Variants in THSD7A observed in about 807,000 individuals in gnomAD.
THSD7A encodes thrombospondin type 1 domain containing 7A, also known as thrombospondin type-1 domain-containing protein 7A.
A neutral mutation model predicts 231.3 loss-of-function variants in THSD7A; 96 were observed. The ratio of observed to expected loss-of-function variants is 0.41; its 90% CI spans 0.35 to 0.49. The LOEUF is 0.49. THSD7A is among the 20% of genes least tolerant of loss of function. The pLI is 0.05. For missense variants in THSD7A, 2,290 were observed against 2,070.2 expected, an observed-to-expected ratio of 1.11 and a Z score of -2.06; for synonymous variants, 940 against 743.3, an observed-to-expected ratio of 1.26 and a Z score of -4.30.
chr7:11,429,229 G>T, intron 13 of THSD7A, 104 bp from the exon 14 acceptor site: 1 of 1,134,146 alleles, frequency 8.8e-7, no homozygotes, highest in African/African-American at 1.6e-5. Context: ...TGACTTGACA[G>T]CAGCATGCAA....
chr7:11,515,547 C>T (rs1401482257), intron 6 of THSD7A, among the ~76,000 whole-genome samples: 1 of 152,078 alleles, frequency 6.6e-6, no homozygotes, highest in Non-Finnish European at 1.5e-5. Context: ...TTTAACTCAT[C>T]ATCTACTGAT....
chr7:11,826,047 T>C (rs1055801280), intron 1 of THSD7A, among the ~76,000 whole-genome samples: 5 of 152,204 alleles, frequency 3.3e-5, no homozygotes, highest in African/African-American at 1.2e-4. Flanking sequence ...TGCAGAGTAA[T>C]AAGTACTATT....
rs369971219 is a variant in THSD7A, at chr7:11,636,165, C to T, written c.987G>A (p.Met329Ile). 1.2e-6 allele frequency: 2 copies of T among 1,613,594 alleles called. No homozygotes were observed. The highest frequency in any genetic ancestry group is 1.3e-5 in the African/African-American group (1 of 74,838). Residue 329 changes from methionine (M) to isoleucine (I), a missense_variant, in exon 2 of 28, where the codon ATG becomes ATA. Transcript: ENST00000423059. The surrounding 1 kb of genome is among the most constrained non-coding windows in gnomAD (Gnocchi z 10.0). ...CAGCTTTCCCCGTCTTGTTAATGCA[C>T]ATAACCTCTCTGGTCTGATATCCAA... The part of the protein sequence containing the change: ...IQIGYQTREV[M>I]CINKTGKAAD...
chr7:11,661,542 A>C (rs948763629), intron 1 of THSD7A, among the ~76,000 whole-genome samples: 2 of 151,300 alleles, frequency 1.3e-5, no homozygotes, highest in African/African-American at 2.4e-5. Flanking sequence ...AAAAAGTGTA[A>C]AACACTGTAA....
chr7:11,820,765 A>G, intron 1 of THSD7A: 1 of 1,206,566 alleles, frequency 8.3e-7, no homozygotes, highest in Non-Finnish European at 1.2e-6. Context: ...TGTAGGAGTG[A>G]GATGACCGGG....
At chr7:11,482,776 C>T (rs1164956371) in intron 6 of THSD7A, among the ~76,000 whole-genome samples, 1 of 152,122 alleles carries the variant, frequency 6.6e-6, no homozygotes, top group Non-Finnish European at 1.5e-5. Context: ...CCTCATTTTG[C>T]CCTTGACACT....
chr7:11,703,888 T>C (rs1780681630), intron 1 of THSD7A, among the ~76,000 whole-genome samples: 1 of 151,138 alleles, frequency 6.6e-6, no homozygotes, highest in African/African-American at 2.4e-5. Flanking sequence ...CCCCTCTATC[T>C]AGTACAGTGA....
intron 9 of THSD7A, among the ~76,000 whole-genome samples, chr7:11,464,914 G>A (rs1195097557): frequency 6.6e-6 from 1 of 152,108 alleles, no homozygotes; most frequent in Non-Finnish European, 1.5e-5. Context: ...AGCTTTGCCA[G>A]GTTATACAGT....
chr7:11,760,386 A>G (rs1041343813), intron 1 of THSD7A, among the ~76,000 whole-genome samples: 2 of 152,058 alleles, frequency 1.3e-5, no homozygotes, highest in African/African-American at 2.4e-5. Context: ...AAAAAGAAAT[A>G]GGATGTATTT....
intron 1 of THSD7A, among the ~76,000 whole-genome samples, chr7:11,672,136 T>G (rs1323569887): frequency 6.6e-6 from 1 of 152,176 alleles, no homozygotes; most frequent in Non-Finnish European, 1.5e-5. Flanking sequence ...ACTTTGAAGC[T>G]GTGCTCATTT....
intron 4 of THSD7A, among the ~76,000 whole-genome samples, chr7:11,571,719 AAC>A (rs1207328779): frequency 6.6e-6 from 1 of 152,154 alleles, no homozygotes; most frequent in African/African-American, 2.4e-5. Flanking sequence ...TTTCTCAGCA[AAC>A]ACTATTTCAT....
At chr7:11,424,579 A>T in intron 16 of THSD7A, 117 bp downstream of exon 16, 1 of 1,444,782 alleles carries the variant, frequency 6.9e-7, no homozygotes, top group Non-Finnish European at 9.4e-7. Flanking sequence ...CCTAAAAGCA[A>T]AACTGCAGAC....
chr7:11,450,720 G>C (rs139915151), intron 11 of THSD7A, among the ~76,000 whole-genome samples: 211 of 152,086 alleles, frequency 1.4e-3, no homozygotes, highest in African/African-American at 4.9e-3. Flanking sequence ...TAGCACACCA[G>C]AAAACTACAT....
intron 1 of THSD7A, among the ~76,000 whole-genome samples, chr7:11,650,757 C>T (rs60283493): frequency 8.5e-4 from 130 of 152,118 alleles, no homozygotes; most frequent in African/African-American, 2.9e-3. Context: ...CAAGAGGATG[C>T]AAAATAGCAC....
At chr7:11,376,251 T>C (rs1782267622) in intron 27 of THSD7A, among the ~76,000 whole-genome samples, 1 of 152,140 alleles carries the variant, frequency 6.6e-6, no homozygotes, top group African/African-American at 2.4e-5. Context: ...TATGATTAGG[T>C]ATTACTGTAA....
intron 6 of THSD7A, among the ~76,000 whole-genome samples, chr7:11,535,215 T>C (rs1788864464): frequency 6.6e-6 from 1 of 152,180 alleles, no homozygotes; most frequent in Admixed American, 6.5e-5. Context: ...TCCTACTCTT[T>C]GCTACAACAT....
chr7:11,820,784 G>C, intron 1 of THSD7A: 2 of 1,200,522 alleles, frequency 1.7e-6, no homozygotes, highest in Non-Finnish European at 2.5e-6. Context: ...GGAGGAAGAG[G>C]AGGAGGATCT....
intron 13 of THSD7A, among the ~76,000 whole-genome samples, chr7:11,445,785 C>G (rs1437506180): frequency 6.6e-6 from 1 of 152,034 alleles, no homozygotes; most frequent in African/African-American, 2.4e-5. Context: ...TCTGGGGGAC[C>G]GTTCTGGCAC....
chr7:11,646,986 A>T (rs1782307726), intron 1 of THSD7A, among the ~76,000 whole-genome samples: 1 of 152,058 alleles, frequency 6.6e-6, no homozygotes, highest in Non-Finnish European at 1.5e-5. Flanking sequence ...ACTTTGTGGG[A>T]CCTTCTGAGG....
Sources: allele counts gnomAD v4.1 joint callset (sites outside exome capture counted in the v4.1 genomes callset), GRCh38; gene constraint gnomAD v4.1.1; non-coding constraint Gnocchi (gnomAD v3.1); transcripts MANE v1.5; gene names NCBI Gene and HGNC (gene_info 2026-07-23, HGNC 2026-07-21).